KIT: variants seen among roughly 807,000 people sequenced by gnomAD.
KIT encodes mast/stem cell growth factor receptor Kit.
Under a neutral mutation model 105.7 loss-of-function variants are expected in KIT, and 16 were observed. That is an observed-to-expected ratio of 0.15 (90% CI 0.10 to 0.23). KIT has a LOEUF of 0.23. Among genes scored for constraint, KIT ranks in the 10% least tolerant of loss-of-function variants. KIT has a pLI of 1.00. For synonymous variants in KIT, 438 were observed against 441.1 expected, an observed-to-expected ratio of 0.99 and a Z score of 0.09; for missense variants, 858 against 1,213.8, an observed-to-expected ratio of 0.71 and a Z score of 4.36.
intron 20 of KIT, among the ~76,000 whole-genome samples, chr4:54,737,635 G>A (rs1723002457): frequency 6.6e-6 from 1 of 152,192 alleles, no homozygotes; most frequent in Non-Finnish European, 1.5e-5. Context: ...ATCCTTTGGA[G>A]GGTTGGGGTG....
chr4:54,665,314 A>G (rs998697658), intron 1 of KIT, among the ~76,000 whole-genome samples: 1 of 152,170 alleles, frequency 6.6e-6, no homozygotes, highest in African/African-American at 2.4e-5. Context: ...GTTGCAAACA[A>G]TGCTGTAATG....
At chr4:54,718,566 T>C (rs1721647840) in intron 7 of KIT, among the ~76,000 whole-genome samples, 1 of 152,234 alleles carries the variant, frequency 6.6e-6, no homozygotes, top group Non-Finnish European at 1.5e-5. Context: ...ACATTTGTAC[T>C]ACAGCTGCAG....
At position 54,724,735 on chromosome 4, in the gene KIT, C is replaced by T. The variant is rs117065225; in HGVS notation, c.1346+1037C>T. The stretch of plus-strand genomic sequence containing the variant: ...TTAGGCCACACATAAAATATAGTAA[C>T]ACTAACGATAGCTGATGAGCTAAAA... On this transcript the variant is annotated intron_variant, in intron 8 of 20. Coordinates refer to ENST00000288135, the MANE Select transcript of KIT (RefSeq NM_000222.3). Among the ~76,000 whole-genome samples the T allele has an allele frequency of 7.9e-4, 120 of 151,486 alleles. No homozygotes were observed. The East Asian group carries it at 0.019, about 24-fold the overall frequency.
intron 19 of KIT, 138 bp from the exon 20 acceptor site, chr4:54,737,037 G>A: frequency 2.7e-6 from 2 of 740,094 alleles, no homozygotes; most frequent in Non-Finnish European, 2.5e-6. Flanking sequence ...TACATGCAGT[G>A]TTTTATGTTA....
intron 1 of KIT, among the ~76,000 whole-genome samples, chr4:54,666,533 C>T (rs1293042517): frequency 2.0e-5 from 3 of 152,154 alleles, no homozygotes; most frequent in Non-Finnish European, 4.4e-5. Context: ...ACACCTCGGC[C>T]TCCCAAAGTG....
At chr4:54,716,038 A>G (rs750955358) in intron 7 of KIT, among the ~76,000 whole-genome samples, 1 of 152,184 alleles carries the variant, frequency 6.6e-6, no homozygotes, top group Non-Finnish European at 1.5e-5. Context: ...CATTTTTTAA[A>G]AAAATAGTAG....
intron 5 of KIT, among the ~76,000 whole-genome samples, chr4:54,706,109 T>C (rs1469078222): frequency 6.6e-6 from 1 of 152,148 alleles, no homozygotes; most frequent in Non-Finnish European, 1.5e-5. Context: ...CCATTTTATA[T>C]TATAATAGCT....
intron 1 of KIT, among the ~76,000 whole-genome samples, chr4:54,673,102 C>T (rs1718226553): frequency 6.6e-6 from 1 of 152,186 alleles, no homozygotes; most frequent in African/African-American, 2.4e-5. Flanking sequence ...TTAAAGCCCA[C>T]TAGTTAGTTT....
At position 54,736,554 on chromosome 4, in the gene KIT, G is replaced by A. The variant is rs762912889; in HGVS notation, c.2541G>A (p.Thr847=). ...APESIFNCVY[T]FESDVWSYGI... Reference sequence around the variant, plus strand: ...AAAGCATTTTCAACTGTGTATACACGTTTGAAAGTGACGTCTGGTCCTATG... The same window carrying A: ...AAAGCATTTTCAACTGTGTATACACATTTGAAAGTGACGTCTGGTCCTATG... The change falls in exon 18 of 21, where the codon ACG becomes ACA. Residue 847 remains threonine, a synonymous_variant. Transcript: ENST00000288135. 22 of 1,613,978 alleles carry A rather than the reference G, an allele frequency of 1.4e-5. No individual in the cohort carries two copies. Among genetic ancestry groups the A allele is most frequent in the Admixed American group, 1.0e-4 (6 of 59,998 alleles).
intron 19 of KIT, 94 bp downstream of exon 19, chr4:54,736,914 C>A: frequency 5.5e-6 from 5 of 911,794 alleles, no homozygotes; most frequent in Admixed American, 3.9e-5. Context: ...TTTCATAACA[C>A]AGTTTGAAAT....
chr4:54,690,055 T>TG (rs1560389303), intron 1 of KIT, among the ~76,000 whole-genome samples: 23 of 112,116 alleles, frequency 2.1e-4, no homozygotes, highest in African/African-American at 9.3e-4. Flanking sequence ...TACTTTTTTT[T>TG]TGTGGGGGGG....
At chr4:54,737,316 C>A in intron 20 of KIT, 36 bp downstream of exon 20, 1 of 1,358,094 alleles carries the variant, frequency 7.4e-7, no homozygotes, top group Non-Finnish European at 1.1e-6. Flanking sequence ...AATCCCCCTT[C>A]TCCCAGTTCC....
rs1274411789 is a variant in KIT, at chr4:54,660,737, A to G, written c.67+2656A>G. ...CAGCTGGAGAAACTGGCTAAGGATA[A>G]GCCCTAAATCATCAGTGGTGAAGCC... On this transcript the variant is annotated intron_variant, in intron 1 of 20. Coordinates refer to ENST00000288135, the MANE Select transcript of KIT (RefSeq NM_000222.3). Among the ~76,000 whole-genome samples, 3 of 152,142 alleles carry G rather than the reference A, an allele frequency of 2.0e-5. No individual in the cohort carries two copies. The East Asian group carries it at 5.8e-4, about 29-fold the overall frequency.
At position 54,672,997 on chromosome 4, in the gene KIT, G is replaced by A. The variant is rs746248257; in HGVS notation, c.67+14916G>A. On this transcript the variant is annotated intron_variant, in intron 1 of 20. Coordinates refer to ENST00000288135, the MANE Select transcript of KIT (RefSeq NM_000222.3). ...GTATTGCATTTTGCCATAAAGTGGC[G>A]TCAAAATCTGATGATAATCTTATTT... Among the ~76,000 whole-genome samples, 6 of 152,212 alleles carry A rather than the reference G, an allele frequency of 3.9e-5. No individual in the cohort carries two copies. In the East Asian group the frequency reaches 5.8e-4, roughly 15 times the overall value.
intron 5 of KIT, among the ~76,000 whole-genome samples, chr4:54,704,976 A>G (rs1450766552): frequency 6.6e-6 from 1 of 152,214 alleles, no homozygotes; most frequent in Non-Finnish European, 1.5e-5. Flanking sequence ...CTGAACATGG[A>G]AAAGATACTT....
At position 54,738,465 on chromosome 4, in the gene KIT, CA is replaced by C; in HGVS notation, c.2840del (p.Gln947ArgfsTer5). ...SNLANCSPNRQKPVVDHSVRI... is the reference protein window; with the variant it reads ...SNLANCSPNRXKPVVDHSVRI... ...CTTAGCAAACTGCAGCCCCAACCGA[CA>C]GAAGCCCGTGGTAGACCATTCTGTG... On this transcript the variant is annotated frameshift_variant, in exon 21 of 21. Transcript: ENST00000288135. LOFTEE classifies it high-confidence loss of function. 6.2e-7 allele frequency: 1 copy of C among 1,614,102 alleles called. No homozygotes were observed. Among genetic ancestry groups the C allele is most frequent in the Non-Finnish European group, 8.5e-7 (1 of 1,180,004 alleles).
At chr4:54,666,062 G>A (rs531299755) in intron 1 of KIT, among the ~76,000 whole-genome samples, 1 of 152,172 alleles carries the variant, frequency 6.6e-6, no homozygotes, top group Non-Finnish European at 1.5e-5. Flanking sequence ...GTATAGAGGA[G>A]GACATAGAAT....
intron 1 of KIT, among the ~76,000 whole-genome samples, chr4:54,692,525 A>G (rs529648539): frequency 4.0e-4 from 61 of 152,368 alleles, no homozygotes; most frequent in Non-Finnish European, 6.8e-4. Flanking sequence ...AACCCATGAG[A>G]AAATGGAATT....
intron 7 of KIT, among the ~76,000 whole-genome samples, chr4:54,721,148 G>C (rs1017616617): frequency 6.6e-6 from 1 of 152,142 alleles, no homozygotes; most frequent in Admixed American, 6.5e-5. Context: ...TTCTGCCCTC[G>C]AGAACATCGA....
Sources: gnomAD v4.1 joint callset for allele counts (sites outside exome capture counted in the v4.1 genomes callset) on GRCh38, gnomAD v4.1.1 for gene constraint, MANE v1.5 for transcripts, NCBI Gene and HGNC (gene_info 2026-07-23, HGNC 2026-07-21) for gene names.